Variants in MPHOSPH8 observed in about 807,000 individuals in gnomAD.
MPHOSPH8 encodes the protein M-phase phosphoprotein, mpp.
A neutral mutation model predicts 87.3 loss-of-function variants in MPHOSPH8; 45 were observed. That is an observed-to-expected ratio of 0.52 (90% CI 0.41 to 0.66). The LOEUF is 0.66. MPHOSPH8 is among the 30% of genes least tolerant of loss of function. MPHOSPH8 has a pLI of 0.00. For synonymous variants in MPHOSPH8, 366 were observed against 376.9 expected (o/e 0.97, Z 0.33); for missense variants, 883 against 1,020.2 (o/e 0.87, Z 1.83).
chr13:19,653,268 G>A (rs924216349), intron 5 of MPHOSPH8, among the ~76,000 whole-genome samples: 19 of 152,224 alleles, frequency 1.2e-4, no homozygotes, highest in Admixed American at 7.2e-4. Flanking sequence ...TGCAGCTTCC[G>A]CTGGTGATAC....
intron 9 of MPHOSPH8, among the ~76,000 whole-genome samples, chr13:19,665,836 A>T (rs1409506775): frequency 6.6e-6 from 1 of 152,240 alleles, no homozygotes; most frequent in South Asian, 2.1e-4. Flanking sequence ...TGACAGAGAC[A>T]AGGAGACAGT....
At chr13:19,661,599 T>C in intron 7 of MPHOSPH8, 99 bp from the exon 8 acceptor site, 1 of 1,291,736 alleles carries the variant, frequency 7.7e-7, no homozygotes, top group South Asian at 1.5e-5. Context: ...TCAGTGCCTA[T>C]TAGTGATTTC....
At chr13:19,639,082 CAAA>C (rs201170839) in intron 1 of MPHOSPH8, among the ~76,000 whole-genome samples, 6 of 133,114 alleles carry the variant, frequency 4.5e-5, no homozygotes, top group Admixed American at 1.5e-4. Context: ...GACTCCGTCT[CAAA>C]AAAAAAAAAA....
intron 13 of MPHOSPH8, 128 bp downstream of exon 13, chr13:19,671,417 AGTGATGCTAG>A (rs1876119426): frequency 1.6e-5 from 12 of 740,602 alleles, no homozygotes; most frequent in Non-Finnish European, 2.3e-5. Flanking sequence ...TCCCTGGGGT[AGTGATGCTAG>A]GTGCACCCTC....
rs751000704 is a variant in MPHOSPH8 at position 19,668,398 on chromosome 13, G to A, written c.2196G>A (p.Glu732=). 3.3e-5 allele frequency: 54 copies of A among 1,613,638 alleles called. No homozygotes were observed. In the Admixed American group the frequency reaches 9.0e-4, roughly 27 times the overall value. The change falls in exon 11 of 14, where the codon GAG becomes GAA. Residue 732 remains glutamate (E), a synonymous_variant. Transcript: ENST00000361479. ...HLETLSRVAE[E]TIKDYFEARL... ...TTAGACTTTCAAGAGTAGCAGAAGA[G>A]ACAATAAAGGATTACTTTGAAGCTC...
chr13:19,666,689 C>T, intron 10 of MPHOSPH8, 110 bp downstream of exon 10: 2 of 936,402 alleles, frequency 2.1e-6, no homozygotes, highest in Non-Finnish European at 3.0e-6. Context: ...AAACATCCAG[C>T]ACAAGTCCTG....
chr13:19,660,644 T>A (rs1385329288), intron 7 of MPHOSPH8, among the ~76,000 whole-genome samples: 1 of 152,086 alleles, frequency 6.6e-6, no homozygotes, highest in Non-Finnish European at 1.5e-5. Context: ...GTTCTATGGG[T>A]TTTTTCATTC....
intron 5 of MPHOSPH8, among the ~76,000 whole-genome samples, chr13:19,653,903 CTA>C (rs1460533082): frequency 6.6e-6 from 1 of 152,152 alleles, no homozygotes; most frequent in Non-Finnish European, 1.5e-5. Context: ...AAATATGGAA[CTA>C]TGTGCAAAGA....
chr13:19,644,385 TCTCC>T (rs1236534391), intron 2 of MPHOSPH8, among the ~76,000 whole-genome samples: 1 of 152,204 alleles, frequency 6.6e-6, no homozygotes, highest in East Asian at 1.9e-4. Context: ...TCTCACCACA[TCTCC>T]CTGTTATTTC....
intron 1 of MPHOSPH8, among the ~76,000 whole-genome samples, chr13:19,636,677 C>T (rs1050239142): frequency 1.4e-4 from 21 of 152,162 alleles, no homozygotes; most frequent in African/African-American, 3.1e-4. Context: ...GGTCTCCCTA[C>T]GTTGCCCATG....
chr13:19,671,555 G>A (rs867818468), intron 13 of MPHOSPH8, among the ~76,000 whole-genome samples: 1 of 152,296 alleles, frequency 6.6e-6, no homozygotes, highest in Middle Eastern at 3.4e-3. Context: ...GCCTTGGTAT[G>A]GAGTTGCCAA....
Position 19,650,122 on chromosome 13 carries a change from G to A in MPHOSPH8, c.1438G>A (p.Asp480Asn), listed in dbSNP as rs760788220. The stretch of plus-strand genomic sequence containing the variant: ...ACCACTGGATTTTAAAACCATAGAC[G>A]ATCACAAAACCAAGGAAAACAAACA... ...EIPLDFKTID[D>N]HKTKENKQSL... The change falls in exon 5 of 14, where the codon GAT becomes AAT. Residue 480 changes from aspartate to asparagine, a missense_variant. Coordinates refer to ENST00000361479, the MANE Select transcript of MPHOSPH8 (RefSeq NM_017520.4). The A allele has an allele frequency of 2.7e-5, 43 of 1,613,854 alleles. No homozygotes were observed. The East Asian group carries it at 5.6e-4, about 21-fold the overall frequency.
intron 7 of MPHOSPH8, among the ~76,000 whole-genome samples, chr13:19,661,245 G>A (rs1875511441): frequency 1.3e-5 from 2 of 152,218 alleles, no homozygotes; most frequent in Admixed American, 1.3e-4. Context: ...ACACTATACT[G>A]TAGTCTAAAT....
intron 1 of MPHOSPH8, among the ~76,000 whole-genome samples, chr13:19,639,585 A>G (rs1490811789): frequency 6.6e-6 from 1 of 152,090 alleles, no homozygotes. Flanking sequence ...CTGGGATTAC[A>G]GGTGTGAGCC....
chr13:19,650,364 G>T, intron 5 of MPHOSPH8, 104 bp downstream of exon 5: 1 of 1,315,446 alleles, frequency 7.6e-7, no homozygotes, highest in Non-Finnish European at 1.0e-6. Flanking sequence ...AAATAATGGA[G>T]TCGAAGAGTT....
At chr13:19,634,650 A>G (rs890917920) in intron 1 of MPHOSPH8, among the ~76,000 whole-genome samples, 1 of 152,006 alleles carries the variant, frequency 6.6e-6, no homozygotes, top group African/African-American at 2.4e-5. Context: ...TTTTGACCCT[A>G]ACCTCTGCAG....
intron 8 of MPHOSPH8, 63 bp from the exon 9 acceptor site, chr13:19,662,977 A>G (rs1450465459): frequency 1.8e-5 from 25 of 1,404,534 alleles, no homozygotes; most frequent in South Asian, 3.5e-5. Flanking sequence ...AAATTTCAAA[A>G]TATCTGAAAA....
chr13:19,652,955 A>G (rs1216147536), intron 5 of MPHOSPH8, among the ~76,000 whole-genome samples: 1 of 152,076 alleles, frequency 6.6e-6, no homozygotes, highest in Non-Finnish European at 1.5e-5. Context: ...TAAAACCCCC[A>G]TCTCCCTGGG....
At chr13:19,655,181 C>T (rs1221741084) in intron 5 of MPHOSPH8, among the ~76,000 whole-genome samples, 1 of 152,070 alleles carries the variant, frequency 6.6e-6, no homozygotes, top group East Asian at 1.9e-4. Flanking sequence ...GACATTAAAC[C>T]TTTAGCAACA....
Sources: gnomAD v4.1 joint callset for allele counts (sites outside exome capture counted in the v4.1 genomes callset) on GRCh38, gnomAD v4.1.1 for gene constraint, MANE v1.5 for transcripts, NCBI Gene and HGNC (gene_info 2026-07-23, HGNC 2026-07-21) for gene names.